Variants in IZUMO2 observed in about 807,000 individuals in gnomAD.
The protein encoded by IZUMO2 is izumo sperm-egg fusion protein 2.
In IZUMO2, 24 loss-of-function variants were observed where a neutral mutation model predicts 31.2. That is an observed-to-expected ratio of 0.77 (90% CI 0.56 to 1.08). IZUMO2 has a LOEUF of 1.08. Ranked by LOEUF, IZUMO2 falls within the 50% of genes least tolerant of loss-of-function variation. IZUMO2 has a pLI of 0.00. For missense variants in IZUMO2, 278 were observed against 274.0 expected (o/e 1.01, Z -0.10); for synonymous variants, 144 against 117.3 (o/e 1.23, Z -1.47).
chr19:50,159,626 G>T, intron 2 of IZUMO2, 46 bp from the exon 3 acceptor site: 1 of 1,170,924 alleles, frequency 8.5e-7, no homozygotes, highest in Non-Finnish European at 1.3e-6. Flanking sequence ...CACCCAGAAA[G>T]CCCACCCCAC....
At chr19:50,158,138 C>G (rs1444795672) in intron 5 of IZUMO2, 130 bp downstream of exon 5, 4 of 520,908 alleles carry the variant, frequency 7.7e-6, no homozygotes, top group Non-Finnish European at 1.4e-5. Flanking sequence ...CTGGGCCACA[C>G]TCTAAGCAAA....
chr19:50,162,699 A>C (rs2030439541), intron 2 of IZUMO2, 40 bp downstream of exon 2: 1 of 1,519,666 alleles, frequency 6.6e-7, no homozygotes, highest in East Asian at 2.3e-5. Context: ...CGGCGGAAAG[A>C]AGAGGGGTGC....
chr19:50,161,142 G>A (rs1187946409), intron 2 of IZUMO2, among the ~76,000 whole-genome samples: 1 of 51,254 alleles, frequency 2.0e-5, no homozygotes, highest in Non-Finnish European at 3.9e-5. Flanking sequence ...TTTTTTTTTT[G>A]AGACGTAGTT....
chr19:50,154,449 G>A (rs2030143487), intron 6 of IZUMO2, 151 bp downstream of exon 6: 1 of 646,694 alleles, frequency 1.5e-6, no homozygotes, highest in Middle Eastern at 2.6e-4. Flanking sequence ...AGAAGAGGGA[G>A]GAGAGAGACA....
chr19:50,158,424 A>G lies in IZUMO2; in HGVS notation c.416-76T>C, dbSNP rs1438380885. The G allele has an allele frequency of 5.0e-6, 5 of 990,328 alleles. No homozygotes were observed. In the South Asian group the frequency reaches 5.7e-5, roughly 11 times the overall value. The allele number at this position is 990,328 out of a possible 1,614,324, so 61.3% of individuals were successfully genotyped here. On this transcript the variant is annotated intron_variant, in intron 4 of 6. Transcript: ENST00000293405. The stretch of plus-strand genomic sequence containing the variant: ...GGCAAGGGTGGAAAGGAAGAAGGAG[A>G]AAGAGGAGATGGGGTCCCTTGGCTT...
intron 6 of IZUMO2, 142 bp downstream of exon 6, chr19:50,154,456 GAC>G: frequency 2.9e-6 from 2 of 683,930 alleles, no homozygotes; most frequent in Non-Finnish European, 4.9e-6. Context: ...GGAGGAGAGA[GAC>G]AGAGAGAAAA....
At chr19:50,154,794 A>G (rs1004375298) in intron 5 of IZUMO2, 68 bp from the exon 6 acceptor site, 3 of 1,568,198 alleles carry the variant, frequency 1.9e-6, no homozygotes, top group Non-Finnish European at 2.6e-6. Context: ...TACCCACCCC[A>G]CCTGTTCATT....
Position 50,154,738 on chromosome 19 carries a change from G to T in IZUMO2, c.497-12C>A. ...GGGTTGCCGGTCGACTGGGGCGGGT[G>T]GGGAAACAGCCCCGACCTCCACGTC... On this transcript the variant is annotated splice_polypyrimidine_tract_variant and intron_variant, in intron 5 of 6. Transcript: ENST00000293405. 3 of 1,612,950 alleles carry T rather than the reference G, an allele frequency of 1.9e-6. No individual in the cohort carries two copies. The highest frequency in any genetic ancestry group is 1.7e-6 in the Non-Finnish European group (2 of 1,179,658).
At chr19:50,154,926 G>A (rs947069334) in intron 5 of IZUMO2, among the ~76,000 whole-genome samples, 200 bp from the exon 6 acceptor site, 3 of 152,132 alleles carry the variant, frequency 2.0e-5, no homozygotes, top group Admixed American at 6.5e-5. Flanking sequence ...TGTCTCAGGC[G>A]CCATTGTAGG....
At chr19:50,161,246 T>A (rs556358918) in intron 2 of IZUMO2, among the ~76,000 whole-genome samples, 1 of 151,558 alleles carries the variant, frequency 6.6e-6, no homozygotes, top group South Asian at 2.1e-4. Flanking sequence ...TGCCTCAGCC[T>A]CCTGAGTAGC....
At chr19:50,162,251 C>T (rs1773541858) in intron 2 of IZUMO2, among the ~76,000 whole-genome samples, 1 of 151,666 alleles carries the variant, frequency 6.6e-6, no homozygotes, top group East Asian at 1.9e-4. Flanking sequence ...GCACTGCACT[C>T]GAGCCTGGGT....
intron 2 of IZUMO2, among the ~76,000 whole-genome samples, chr19:50,161,121 T>G (rs1039194130): frequency 6.1e-5 from 9 of 146,990 alleles, no homozygotes; most frequent in Non-Finnish European, 1.5e-5. Context: ...TTTCTTTTCC[T>G]TTTTCTTTTT....
intron 2 of IZUMO2, among the ~76,000 whole-genome samples, chr19:50,161,731 C>T (rs1188039841): frequency 6.6e-6 from 1 of 152,182 alleles, no homozygotes; most frequent in Non-Finnish European, 1.5e-5. Flanking sequence ...TAAGGGACAT[C>T]TTTTTTGGAT....
chr19:50,162,957 A>G lies in IZUMO2; in HGVS notation c.232+6T>C. The G allele has an allele frequency of 1.2e-6, 2 of 1,612,810 alleles. No individual in the cohort carries two copies. The highest frequency in any genetic ancestry group is 1.7e-5 in the Admixed American group (1 of 59,770). On this transcript the variant is annotated splice_donor_region_variant and intron_variant, in intron 1 of 6. Transcript: ENST00000293405. ...GCCCCGCTGCCCAATTTCTCCCAAC[A>G]CGCACCCACTTTCCCCACAAACACG...
chr19:50,161,054 A>G (rs1231261259), intron 2 of IZUMO2, among the ~76,000 whole-genome samples: 1 of 151,894 alleles, frequency 6.6e-6, no homozygotes, highest in Non-Finnish European at 1.5e-5. Flanking sequence ...ATCTTAGTAA[A>G]TAGATGTGTC....
chr19:50,163,197 C>CG lies in IZUMO2; in HGVS notation c.-4dup, dbSNP rs2030471597. The CG allele has an allele frequency of 7.8e-6, 12 of 1,546,180 alleles. 1 individual carries two copies. The highest frequency in any genetic ancestry group is 2.2e-4 in the Middle Eastern group (1 of 4,530). ...AGAAGGGTCAAAGCCAGAGGCATGG[C>CG]GGGGCCTTTGTGACGTCACAGAGAG... On this transcript the variant is annotated 5_prime_UTR_variant, in exon 1 of 7. Coordinates refer to ENST00000293405, the MANE Select transcript of IZUMO2 (RefSeq NM_152358.3).
chr19:50,159,658 G>A, intron 2 of IZUMO2, 78 bp from the exon 3 acceptor site: 1 of 827,544 alleles, frequency 1.2e-6, no homozygotes, highest in South Asian at 1.4e-5. Context: ...TCCAGGAGAA[G>A]AGATGAGGAA....
intron 4 of IZUMO2, 113 bp downstream of exon 4, chr19:50,159,117 G>T: frequency 2.0e-6 from 2 of 1,024,218 alleles, no homozygotes; most frequent in Non-Finnish European, 3.0e-6. Flanking sequence ...ATGGCTTTGG[G>T]GTAAGGGAAC....
chr19:50,161,634 G>A (rs2030404591), intron 2 of IZUMO2, among the ~76,000 whole-genome samples: 1 of 152,118 alleles, frequency 6.6e-6, no homozygotes, highest in Non-Finnish European at 1.5e-5. Flanking sequence ...TCCACCAGCT[G>A]TTCTTTCTGC....
Sources: allele counts gnomAD v4.1 joint callset (sites outside exome capture counted in the v4.1 genomes callset), GRCh38; gene constraint gnomAD v4.1.1; transcripts MANE v1.5; gene names NCBI Gene and HGNC (gene_info 2026-07-23, HGNC 2026-07-21).